ABCA13: variants seen among roughly 807,000 people sequenced by gnomAD.
ABCA13 encodes the protein ATP binding cassette subfamily A member 13, also known as ATP-binding cassette sub-family A member 13.
Under a neutral mutation model 478.7 loss-of-function variants are expected in ABCA13, and 476 were observed. The ratio of observed to expected loss-of-function variants is 0.99; its 90% CI spans 0.92 to 1.07. The LOEUF (loss-of-function observed/expected upper bound fraction) is 1.07. Among genes scored for constraint, ABCA13 ranks in the 50% least tolerant of loss-of-function variants. The pLI is 0.00. For synonymous variants in ABCA13, 2,252 were observed against 2,158.9 expected (o/e 1.04, Z -1.20); for missense variants, 6,060 against 5,910.6 (o/e 1.03, Z -0.83).
At chr7:48,617,608 C>T (rs1792714212) in intron 59 of ABCA13, among the ~76,000 whole-genome samples, 3 of 152,052 alleles carry the variant, frequency 2.0e-5, no homozygotes, top group Admixed American at 1.3e-4. Flanking sequence ...GACCAGCTCC[C>T]CTTGGGAGGG....
intron 42 of ABCA13, among the ~76,000 whole-genome samples, chr7:48,443,485 C>T (rs1823894391): frequency 6.6e-6 from 1 of 152,198 alleles, no homozygotes; most frequent in African/African-American, 2.4e-5. Flanking sequence ...CTCAGCTCTT[C>T]TGAGTAGTTA....
At position 48,297,176 on chromosome 7, in the gene ABCA13, C is replaced by T. The variant is rs1799496874; in HGVS notation, c.9120-56C>T. On this transcript the variant is annotated intron_variant, in intron 21 of 61. Transcript: ENST00000435803. ...GCTGAGGCAGTATTATTCATTCCAA[C>T]ACTGTTTCTGATGTTTTAGCTTGCC... is the stretch of plus-strand genomic sequence containing the variant. The T allele has an allele frequency of 4.3e-6, 6 of 1,392,402 alleles. No homozygotes were observed. In the South Asian group the frequency reaches 6.3e-5, roughly 15 times the overall value. 86.3% of individuals were successfully genotyped at this position (1,392,402 alleles called of 1,614,324 possible).
At chr7:48,453,185 C>T (rs1256624457) in intron 42 of ABCA13, among the ~76,000 whole-genome samples, 1 of 151,550 alleles carries the variant, frequency 6.6e-6, no homozygotes, top group African/African-American at 2.4e-5. Context: ...TTTCAATCTT[C>T]TGGGAAGTTA....
chr7:48,237,945 G>A (rs1584371130), intron 8 of ABCA13, among the ~76,000 whole-genome samples: 1 of 152,096 alleles, frequency 6.6e-6, no homozygotes, highest in Non-Finnish European at 1.5e-5. Flanking sequence ...TTTTAATTAA[G>A]GGAAAAAAAT....
chr7:48,604,897 G>T (rs1791310055), intron 58 of ABCA13, among the ~76,000 whole-genome samples: 1 of 152,162 alleles, frequency 6.6e-6, no homozygotes, highest in South Asian at 2.1e-4. Context: ...TTTGCTTTAT[G>T]AATCTGGGTG....
At chr7:48,257,514 G>T (rs907496045) in intron 15 of ABCA13, among the ~76,000 whole-genome samples, 1 of 152,142 alleles carries the variant, frequency 6.6e-6, no homozygotes, top group African/African-American at 2.4e-5. Context: ...AAAATGAAGG[G>T]ATGTTGAATT....
At chr7:48,214,326 G>A (rs1325661618) in intron 3 of ABCA13, among the ~76,000 whole-genome samples, 4 of 152,152 alleles carry the variant, frequency 2.6e-5, no homozygotes, top group Non-Finnish European at 4.4e-5. Context: ...AGAAGCAGTT[G>A]ATTTAGCATA....
At chr7:48,324,242 A>T (rs1269324554) in intron 27 of ABCA13, among the ~76,000 whole-genome samples, 1 of 152,182 alleles carries the variant, frequency 6.6e-6, no homozygotes, top group African/African-American at 2.4e-5. Context: ...TCTGGCTTGC[A>T]GACAGCCATC....
At chr7:48,584,337 T>C (rs1443340860) in intron 56 of ABCA13, among the ~76,000 whole-genome samples, 40 of 152,224 alleles carry the variant, frequency 2.6e-4, no homozygotes, top group Admixed American at 2.6e-3. Flanking sequence ...GGTCCCCAAA[T>C]AACATTGTTT....
At chr7:48,238,263 T>G (rs1790262851) in intron 8 of ABCA13, among the ~76,000 whole-genome samples, 1 of 152,178 alleles carries the variant, frequency 6.6e-6, no homozygotes, top group African/African-American at 2.4e-5. Context: ...CCCCATCTCC[T>G]TATACCATCA....
chr7:48,244,692 A>G lies in ABCA13; in HGVS notation c.1379A>G (p.His460Arg), dbSNP rs1263538335. The part of the protein sequence containing the change: ...ALRNAIAQNL[H>R]FVQEVLICLE... ...AGAAATGCGATAGCTCAGAATTTAC[A>G]TTTTGTCCAAGGTAAGCTAGCTTTG... The change falls in exon 11 of 62, where the codon CAT (histidine) becomes CGT (arginine). Residue 460 changes from histidine to arginine, a missense_variant. Physicochemically the swap from His to Arg is conservative, Grantham distance 29. Around this residue, in one of 3 missense-constraint regions of ABCA13, gnomAD observed 4,423 missense variants for 4,309.1 expected, o/e 1.03. Coordinates refer to ENST00000435803, the MANE Select transcript of ABCA13 (RefSeq NM_152701.5). The G allele has an allele frequency of 1.3e-6, 2 of 1,598,698 alleles. No individual in the cohort carries two copies. Among genetic ancestry groups the G allele is most frequent in the East Asian group, 4.5e-5 (2 of 44,532 alleles).
chr7:48,423,200 G>A (rs1278414350), intron 41 of ABCA13, among the ~76,000 whole-genome samples: 1 of 152,230 alleles, frequency 6.6e-6, no homozygotes, highest in Non-Finnish European at 1.5e-5. Context: ...AGTACCTCTA[G>A]TGTTTCGTAT....
intron 1 of ABCA13, among the ~76,000 whole-genome samples, chr7:48,177,756 A>G (rs185727862): frequency 2.6e-5 from 4 of 152,320 alleles, no homozygotes; most frequent in African/African-American, 9.6e-5. Flanking sequence ...GCTCTTTAAT[A>G]AAATGTAGAG....
At chr7:48,628,163 C>A (rs985251839) in intron 59 of ABCA13, among the ~76,000 whole-genome samples, 6 of 152,174 alleles carry the variant, frequency 3.9e-5, no homozygotes, top group Non-Finnish European at 7.3e-5. Flanking sequence ...GCTCTACTGT[C>A]CCCTCTTCAG....
intron 1 of ABCA13, among the ~76,000 whole-genome samples, chr7:48,191,703 C>A (rs550087578): frequency 1.3e-5 from 2 of 152,120 alleles, no homozygotes; most frequent in Non-Finnish European, 2.9e-5. Context: ...CCACCGTGCC[C>A]GGCCAAAGAG....
In ABCA13 at chr7:48,645,522, A is replaced by C. The variant is rs1795390013; in HGVS notation, c.*10A>C. The C allele has an allele frequency of 6.4e-7, 1 of 1,559,750 alleles. No individual in the cohort carries two copies. The highest frequency in any genetic ancestry group is 1.4e-5 in the African/African-American group (1 of 73,650). On this transcript the variant is annotated 3_prime_UTR_variant, in exon 62 of 62. Coordinates refer to ENST00000435803, the MANE Select transcript of ABCA13 (RefSeq NM_152701.5). ...TCACTTGCCCATCTGAGCACTAAAG[A>C]AGTTTCCATAAGGAATAAAACCTTG...
chr7:48,342,350 G>A (rs941105751), intron 29 of ABCA13, among the ~76,000 whole-genome samples: 3 of 152,124 alleles, frequency 2.0e-5, no homozygotes, highest in African/African-American at 4.8e-5. Flanking sequence ...TACATTTCTC[G>A]TTATGACTGT....
chr7:48,580,612 A>T (rs973228136), intron 56 of ABCA13, among the ~76,000 whole-genome samples: 3 of 152,256 alleles, frequency 2.0e-5, no homozygotes, highest in Non-Finnish European at 4.4e-5. Flanking sequence ...GGTCGGAGTT[A>T]AAGCATAAAT....
intron 1 of ABCA13, among the ~76,000 whole-genome samples, chr7:48,186,184 A>G (rs565880101): frequency 1.3e-5 from 2 of 152,168 alleles, no homozygotes; most frequent in African/African-American, 4.8e-5. Flanking sequence ...AGTGAGTTTA[A>G]TCTAAGCATT....
Sources: gnomAD v4.1 joint callset for allele counts (sites outside exome capture counted in the v4.1 genomes callset) on GRCh38, gnomAD v4.1.1 for gene constraint, gnomAD v4.1.1 regional missense constraint, MANE v1.5 for transcripts, NCBI Gene and HGNC (gene_info 2026-07-23, HGNC 2026-07-21) for gene names.